GRM4: variants seen among roughly 807,000 people sequenced by gnomAD.
GRM4 encodes the protein glutamate metabotropic receptor 4, also known as metabotropic glutamate receptor 4.
In GRM4, 28 loss-of-function variants were observed where a neutral mutation model predicts 81.7. That is an observed-to-expected ratio of 0.34 (90% CI 0.25 to 0.47). GRM4 has a LOEUF of 0.47. Among genes scored for constraint, GRM4 ranks in the 20% least tolerant of loss-of-function variants. The pLI, the probability that GRM4 is intolerant of heterozygous loss-of-function variation, is 1.00. For synonymous variants in GRM4, 488 were observed against 528.8 expected (o/e 0.92, Z 1.06); for missense variants, 948 against 1,290.0 (o/e 0.73, Z 4.06).
chr6:34,088,101 G>A (rs546215743), intron 3 of GRM4, among the ~76,000 whole-genome samples: 5 of 152,116 alleles, frequency 3.3e-5, no homozygotes, highest in Admixed American at 6.5e-5. Flanking sequence ...CTGAGCTCCC[G>A]CCTGTATGTG....
At chr6:34,031,546 T>C (rs918614174) in intron 9 of GRM4, among the ~76,000 whole-genome samples, 4 of 152,212 alleles carry the variant, frequency 2.6e-5, no homozygotes, top group African/African-American at 9.7e-5. Context: ...TTCTGCCGGC[T>C]GACCCTGATA....
chr6:34,126,030 G>T (rs1161436388), intron 2 of GRM4, among the ~76,000 whole-genome samples: 1 of 152,184 alleles, frequency 6.6e-6, no homozygotes, highest in Non-Finnish European at 1.5e-5. Context: ...TGCCAGCTGG[G>T]TATCATCACA....
intron 2 of GRM4, among the ~76,000 whole-genome samples, chr6:34,095,878 G>A (rs537401827): frequency 2.0e-5 from 3 of 152,302 alleles, no homozygotes; most frequent in South Asian, 2.1e-4. Flanking sequence ...AGGGAGCCAC[G>A]TCTGCGTCTA....
upstream of GRM4, among the ~76,000 whole-genome samples, chr6:34,146,739 C>T (rs1338284518): frequency 6.6e-6 from 1 of 152,226 alleles, no homozygotes; most frequent in African/African-American, 2.4e-5. Context: ...CCTCGACCCC[C>T]GGCTGACCTG....
Position 34,070,294 on chromosome 6 carries a change from C to A in GRM4, c.737-8266G>T, listed in dbSNP as rs1766747550. 6.6e-6 allele frequency among the ~76,000 whole-genome samples: 1 copy of A among 152,134 alleles called. No homozygotes were observed. Among genetic ancestry groups the A allele is most frequent in the Admixed American group, 6.5e-5 (1 of 15,280 alleles). On this transcript the variant is annotated intron_variant, in intron 3 of 10. Transcript: ENST00000538487. This position sits in a 1 kb window ranked among gnomAD's most constrained non-coding sequence, Gnocchi z 4.6. ...CGCGTGGGGTGGGTACCCACGTGCA[C>A]CTGGACGTCTCCCTCCGTCCTGCCT...
chr6:34,118,312 G>A (rs1769674509), intron 2 of GRM4, among the ~76,000 whole-genome samples: 1 of 152,232 alleles, frequency 6.6e-6, no homozygotes. Context: ...GATAGAGCAA[G>A]GGCTGACCTG....
intron 1 of GRM4, among the ~76,000 whole-genome samples, chr6:34,143,035 C>A (rs1450975848): frequency 6.6e-6 from 1 of 152,238 alleles, no homozygotes; most frequent in African/African-American, 2.4e-5. Context: ...GCCTTGCCAT[C>A]TTCCTCTCCC....
intron 10 of GRM4, 116 bp downstream of exon 10, chr6:34,028,004 C>T: frequency 8.2e-7 from 1 of 1,217,486 alleles, no homozygotes; most frequent in Non-Finnish European, 1.1e-6. Flanking sequence ...CCCGCCGCCT[C>T]CCCAGGATGG....
At chr6:34,088,989 G>T (rs1272011925) in intron 3 of GRM4, among the ~76,000 whole-genome samples, 3 of 152,154 alleles carry the variant, frequency 2.0e-5, no homozygotes, top group African/African-American at 4.8e-5. Flanking sequence ...ACAGAGCCAG[G>T]TTCCCATCCC....
chr6:34,150,631 T>C (rs1771026742), upstream of GRM4, among the ~76,000 whole-genome samples: 1 of 151,980 alleles, frequency 6.6e-6, no homozygotes, highest in Non-Finnish European at 1.5e-5. Flanking sequence ...AGCCTCAGTT[T>C]CCCCGCCTAT....
chr6:34,113,935 T>A (rs1244408542), intron 2 of GRM4, among the ~76,000 whole-genome samples: 1 of 152,126 alleles, frequency 6.6e-6, no homozygotes. Context: ...CCCTCCCCTC[T>A]GAGCAACCCC....
chr6:34,040,357 G>A, intron 7 of GRM4, 43 bp from the exon 8 acceptor site: 4 of 1,605,558 alleles, frequency 2.5e-6, no homozygotes, highest in Non-Finnish European at 3.4e-6. Flanking sequence ...TTTACCCAGA[G>A]GCAGGGCGGA....
At chr6:34,040,476 G>A (rs1456917960) in intron 7 of GRM4, 72 bp downstream of exon 7, 11 of 1,469,370 alleles carry the variant, frequency 7.5e-6, no homozygotes, top group East Asian at 2.4e-5. Context: ...ACCCCACAGA[G>A]CCTAAGGGCC....
At chr6:34,104,098 T>TGGCAAGCCA (rs1768997157) in intron 2 of GRM4, among the ~76,000 whole-genome samples, 1 of 152,204 alleles carries the variant, frequency 6.6e-6, no homozygotes, top group Non-Finnish European at 1.5e-5. Flanking sequence ...GCCCACCCAA[T>TGGCAAGCCA]GGCAAGCCAG....
chr6:34,049,959 A>C (rs1011533601), intron 6 of GRM4, among the ~76,000 whole-genome samples: 1 of 152,112 alleles, frequency 6.6e-6, no homozygotes, highest in African/African-American at 2.4e-5. Flanking sequence ...TAGGACATAA[A>C]TCAGGTAACG....
intron 3 of GRM4, among the ~76,000 whole-genome samples, chr6:34,075,499 T>C (rs1315356059): frequency 6.6e-6 from 1 of 152,178 alleles, no homozygotes; most frequent in Non-Finnish European, 1.5e-5. Context: ...CCATGAAATA[T>C]CCCAGCCCTT....
At chr6:34,148,956 G>C (rs77286113), upstream of GRM4, among the ~76,000 whole-genome samples, 4,605 of 152,286 alleles carry the variant, frequency 0.03, 140 homozygotes, top group Middle Eastern at 0.085. Context: ...AAGGGGAAGG[G>C]TGAAGGGAAG....
Position 34,020,256 on chromosome 6 carries a change from A to AGCCGAGGGGC in GRM4, c.*2555_*2564dup, listed in dbSNP as rs1458708910. 3 of 152,194 alleles carry AGCCGAGGGGC rather than the reference A, an allele frequency of 2.0e-5. No individual in the cohort carries two copies. The highest frequency in any genetic ancestry group is 6.5e-5 in the Admixed American group (1 of 15,278). The allele number at this position is 152,194 out of a possible 1,614,324, so 9.4% of individuals were successfully genotyped here. On this transcript the variant is annotated 3_prime_UTR_variant, in exon 11 of 11. Coordinates refer to ENST00000538487, the MANE Select transcript of GRM4 (RefSeq NM_000841.4). ...AGGGCCCCTCCTGAGAGCCAAGGGG[A>AGCCGAGGGGC]GCCGAGGGGCAGCATCCCCCTTGGA...
In GRM4 at chr6:34,044,859, CACAG is replaced by C. The variant is rs780469726; in HGVS notation, c.1169-4115_1169-4112del. 6.3e-3 allele frequency among the ~76,000 whole-genome samples: 858 copies of C among 137,036 alleles called. 34 individuals carry two copies. The highest frequency in any genetic ancestry group is 0.024 in the African/African-American group (750 of 31,460). 89.9% of individuals were successfully genotyped at this position (137,036 alleles called of 152,430 possible). A position where few individuals can be genotyped will look rare whatever the true frequency, so the allele number is the denominator to read the frequency against. ...ATACACATATATACATAGACACACA[CACAG>C]ACATACATACACATATATACAGACA... On this transcript the variant is annotated intron_variant, in intron 6 of 10. Transcript: ENST00000538487.
Sources: gnomAD v4.1 joint callset for allele counts (sites outside exome capture counted in the v4.1 genomes callset) on GRCh38, gnomAD v4.1.1 for gene constraint, Gnocchi (gnomAD v3.1) non-coding constraint, MANE v1.5 for transcripts, NCBI Gene and HGNC (gene_info 2026-07-23, HGNC 2026-07-21) for gene names.